Variants in ZBTB7C observed in about 807,000 individuals in gnomAD.
ZBTB7C encodes the protein zinc finger and BTB domain containing 7C.
ZBTB7C carries 8 observed loss-of-function variants against 25.7 expected under a neutral mutation model. The ratio of observed to expected loss-of-function variants is 0.31; its 90% CI spans 0.18 to 0.56. The LOEUF (loss-of-function observed/expected upper bound fraction) is 0.56, where lower values mean the gene tolerates loss of function less well. Among genes scored for constraint, ZBTB7C ranks in the 20% least tolerant of loss-of-function variants. The pLI is 0.91. For synonymous variants in ZBTB7C, 394 were observed against 369.0 expected (o/e 1.07, Z -0.78); for missense variants, 824 against 855.2 (o/e 0.96, Z 0.46).
intron 2 of ZBTB7C, among the ~76,000 whole-genome samples, chr18:48,276,945 C>T (rs1472217043): frequency 6.8e-6 from 1 of 147,270 alleles, no homozygotes; most frequent in Non-Finnish European, 1.5e-5. Flanking sequence ...TATTTCTCCA[C>T]ATCCTCTCCA....
intron 3 of ZBTB7C, among the ~76,000 whole-genome samples, chr18:48,179,705 CTGCGAGGAAGATA>C: frequency 8.5e-6 from 1 of 117,750 alleles, no homozygotes; most frequent in African/African-American, 3.3e-5. Flanking sequence ...CCTTCCTTCC[CTGCGAGGAAGATA>C]TCCCTCCCTC....
chr18:48,321,666 C>A lies in ZBTB7C; in HGVS notation c.-79+16508G>T, dbSNP rs536911445. ...TTCCCTAGGTGAAAATGGTGCTGGG[C>A]TAGGGGTGGGGAAACTGGATGGAGT... On this transcript the variant is annotated intron_variant, in intron 2 of 4. Transcript: ENST00000590800. Among the ~76,000 whole-genome samples, 136 of 152,224 alleles carry A rather than the reference C, an allele frequency of 8.9e-4. 1 individual carries two copies. The highest frequency in any genetic ancestry group is 3.1e-3 in the African/African-American group (129 of 41,552).
At chr18:48,388,585 A>G (rs2047804166) in intron 1 of ZBTB7C, among the ~76,000 whole-genome samples, 1 of 152,144 alleles carries the variant, frequency 6.6e-6, no homozygotes, top group African/African-American at 2.4e-5. Context: ...ATTTTGAAAT[A>G]TTTTATTTAA....
At chr18:48,158,325 G>A (rs1231890717) in intron 3 of ZBTB7C, among the ~76,000 whole-genome samples, 2 of 152,124 alleles carry the variant, frequency 1.3e-5, no homozygotes, top group African/African-American at 4.8e-5. Context: ...TCTGGCCCTC[G>A]CAGGCTACAG....
intron 2 of ZBTB7C, among the ~76,000 whole-genome samples, chr18:48,295,653 A>G (rs2045365970): frequency 1.3e-5 from 2 of 152,012 alleles, no homozygotes; most frequent in African/African-American, 2.4e-5. Flanking sequence ...AAACTTTACA[A>G]AGCTCATTTT....
chr18:48,037,110 C>T (rs932186340), intron 4 of ZBTB7C, among the ~76,000 whole-genome samples: 4 of 152,242 alleles, frequency 2.6e-5, no homozygotes, highest in African/African-American at 7.2e-5. Flanking sequence ...CTTTCCCCAG[C>T]TCGGGGTTTC....
chr18:48,178,387 G>A (rs551690001), intron 3 of ZBTB7C, among the ~76,000 whole-genome samples: 52 of 152,288 alleles, frequency 3.4e-4, no homozygotes, highest in Middle Eastern at 6.8e-3. Flanking sequence ...CTACCACGTC[G>A]GGCCTCTTCT....
intron 1 of ZBTB7C, among the ~76,000 whole-genome samples, chr18:48,387,403 A>G (rs776376499): frequency 2.6e-5 from 4 of 152,204 alleles, no homozygotes; most frequent in Non-Finnish European, 5.9e-5. Flanking sequence ...CTCAAAATGA[A>G]TGGGGTTTTA....
At chr18:48,060,058 A>AT (rs754362941) in intron 3 of ZBTB7C, among the ~76,000 whole-genome samples, 70 of 151,556 alleles carry the variant, frequency 4.6e-4, no homozygotes, top group Non-Finnish European at 8.5e-4. Context: ...CAGCTCTACC[A>AT]TTTTTTTTCG....
rs202103897 is a variant in ZBTB7C, at chr18:48,118,003, T to TC, written c.-17+67930_-17+67931insG. On this transcript the variant is annotated intron_variant, in intron 3 of 4. Coordinates refer to ENST00000590800, the MANE Select transcript of ZBTB7C (RefSeq NM_001318841.2). ...ATCAATCTTTTCTTCTTCTTCTTCTTTTTTTTTTTTTTTTTTTACTGAGGC... is the reference window on the plus strand; with the variant it reads ...ATCAATCTTTTCTTCTTCTTCTTCTTCTTTTTTTTTTTTTTTTTACTGAGGC... Among the ~76,000 whole-genome samples the TC allele has an allele frequency of 7.0e-3, 878 of 125,276 alleles. 7 individuals are homozygous for TC. The highest frequency in any genetic ancestry group is 0.037 in the African/African-American group (833 of 22,448). The allele number at this position is 125,276 out of a possible 152,430, so 82.2% of individuals were successfully genotyped here.
intron 2 of ZBTB7C, among the ~76,000 whole-genome samples, chr18:48,216,144 T>C (rs1371502829): frequency 6.6e-6 from 1 of 152,142 alleles, no homozygotes; most frequent in Non-Finnish European, 1.5e-5. Context: ...ATTCAGTCAG[T>C]GGGGGACTTA....
chr18:48,355,613 C>T (rs528914499), intron 1 of ZBTB7C, among the ~76,000 whole-genome samples: 1 of 152,320 alleles, frequency 6.6e-6, no homozygotes, highest in South Asian at 2.1e-4. Flanking sequence ...GCTCCTTTAC[C>T]AGCACCACTG....
chr18:48,234,329 T>A (rs1474232434), intron 2 of ZBTB7C, among the ~76,000 whole-genome samples: 3 of 152,186 alleles, frequency 2.0e-5, no homozygotes, highest in Admixed American at 6.5e-5. Flanking sequence ...TAATTTATAA[T>A]TTTAATAAAA....
chr18:48,245,883 T>C lies in ZBTB7C; in HGVS notation c.-78-59888A>G, dbSNP rs988719235. Among the ~76,000 whole-genome samples, 55 of 152,302 alleles carry C rather than the reference T, an allele frequency of 3.6e-4. 1 individual carries two copies. Among genetic ancestry groups the C allele is most frequent in the African/African-American group, 1.3e-3 (55 of 41,572 alleles). On this transcript the variant is annotated intron_variant, in intron 2 of 4. Transcript: ENST00000590800. ...GGAAGGTATTTATCCAATTAAAGAA[T>C]GTTGGGGATGGAATTATTAATAAAT...
At chr18:48,177,743 C>T (rs936788390) in intron 3 of ZBTB7C, among the ~76,000 whole-genome samples, 2 of 152,154 alleles carry the variant, frequency 1.3e-5, no homozygotes, top group African/African-American at 4.8e-5. Context: ...GTCCCTCCCA[C>T]CCTACTCTGC....
chr18:48,302,529 C>T (rs892912522), intron 2 of ZBTB7C, among the ~76,000 whole-genome samples: 5 of 152,200 alleles, frequency 3.3e-5, no homozygotes, highest in African/African-American at 1.2e-4. Context: ...CAGTTCCTCC[C>T]CTCAGAGAAC....
At chr18:48,139,162 G>C (rs1390162505) in intron 3 of ZBTB7C, among the ~76,000 whole-genome samples, 1 of 152,166 alleles carries the variant, frequency 6.6e-6, no homozygotes, top group Non-Finnish European at 1.5e-5. Context: ...GGAGAGGAGG[G>C]CATGTCAGGT....
intron 3 of ZBTB7C, among the ~76,000 whole-genome samples, chr18:48,174,812 CCTAT>C (rs1313907226): frequency 6.6e-6 from 1 of 152,166 alleles, no homozygotes; most frequent in Non-Finnish European, 1.5e-5. Flanking sequence ...TACCTACCTA[CCTAT>C]CTATCTATAT....
intron 1 of ZBTB7C, among the ~76,000 whole-genome samples, chr18:48,404,254 CA>C (rs34941038): frequency 8.1e-5 from 12 of 147,462 alleles, no homozygotes; most frequent in Admixed American, 6.0e-4. Flanking sequence ...GACTCCATCT[CA>C]AAAAAAAAAG....
Sources: gnomAD v4.1 joint callset for allele counts (sites outside exome capture counted in the v4.1 genomes callset) on GRCh38, gnomAD v4.1.1 for gene constraint, MANE v1.5 for transcripts, NCBI Gene and HGNC (gene_info 2026-07-23, HGNC 2026-07-21) for gene names.